Variants in SLCO3A1 observed in about 807,000 individuals in gnomAD.
The protein encoded by SLCO3A1 is PGE1 transporter.
Under a neutral mutation model 63.1 loss-of-function variants are expected in SLCO3A1, and 27 were observed. That is an observed-to-expected ratio of 0.43 (90% CI 0.32 to 0.59). The LOEUF (loss-of-function observed/expected upper bound fraction) is 0.59, where lower values mean the gene tolerates loss of function less well. SLCO3A1 is among the 20% of genes least tolerant of loss of function. SLCO3A1 has a pLI of 0.09. For missense variants in SLCO3A1, 773 were observed against 945.8 expected (o/e 0.82, Z 2.40); for synonymous variants, 473 against 409.9 (o/e 1.15, Z -1.86).
At position 91,854,203 on chromosome 15, in the gene SLCO3A1, C is replaced by A; in HGVS notation, c.180+115C>A. ...TGGGGGCAGGCGGGCATGACCTCGG[C>A]CCGGCGTGGAGGTTGGCGAGTGGTG... is the stretch of plus-strand genomic sequence containing the variant. On this transcript the variant is annotated intron_variant, in intron 1 of 9. Transcript: ENST00000318445. This position sits in a 1 kb window ranked among gnomAD's most constrained non-coding sequence, Gnocchi z 6.4. The A allele has an allele frequency of 8.6e-7, 1 of 1,158,766 alleles. No homozygotes were observed. Among genetic ancestry groups the A allele is most frequent in the Non-Finnish European group, 1.1e-6 (1 of 905,578 alleles). 71.8% of individuals were successfully genotyped at this position (1,158,766 alleles called of 1,614,324 possible).
intron 2 of SLCO3A1, among the ~76,000 whole-genome samples, chr15:91,951,477 T>C (rs1272626713): frequency 1.3e-5 from 2 of 152,200 alleles, no homozygotes; most frequent in African/African-American, 4.8e-5. Context: ...ATTTGGTTAT[T>C]TCCACTTTTT....
intron 2 of SLCO3A1, among the ~76,000 whole-genome samples, chr15:92,027,685 G>A (rs927939511): frequency 6.6e-6 from 1 of 152,198 alleles, no homozygotes; most frequent in African/African-American, 2.4e-5. Context: ...TTTGCTTTGT[G>A]CCGTTCAACA....
At chr15:91,920,881 T>G (rs555659077) in intron 2 of SLCO3A1, among the ~76,000 whole-genome samples, 1 of 152,310 alleles carries the variant, frequency 6.6e-6, no homozygotes, top group East Asian at 1.9e-4. Context: ...AAAGCTTAGT[T>G]AGCTCTTCGG....
At position 91,853,930 on chromosome 15, in the gene SLCO3A1, G is replaced by C; in HGVS notation, c.22G>C (p.Gly8Arg). 6.9e-7 allele frequency: 1 copy of C among 1,454,316 alleles called. No individual in the cohort carries two copies. The highest frequency in any genetic ancestry group is 9.1e-7 in the Non-Finnish European group (1 of 1,095,246). 90.1% of individuals were successfully genotyped at this position (1,454,316 alleles called of 1,614,324 possible). A position where few individuals can be genotyped will look rare whatever the true frequency, so the allele number is the denominator to read the frequency against. ...AAGGATGCAGGGGAAGAAGCCGGGC[G>C]GTTCGTCGGGCGGCGGCCGGAGCGG... MQGKKPG[G>R]SSGGGRSGEL... Residue 8 changes from glycine to arginine, a missense_variant, in exon 1 of 10, where the codon GGT becomes CGT. Physicochemically the swap from Gly to Arg is moderately radical, Grantham distance 125 (BLOSUM62 -2). This residue lies in a region of SLCO3A1 where 69 missense variants were observed against 64.6 expected (regional missense o/e 1.07). Transcript: ENST00000318445.
chr15:91,882,843 G>A lies in SLCO3A1; in HGVS notation c.180+28755G>A, dbSNP rs780411321. ...AGCCATGACTTCTTAATCCCACTCGGATTTCACTGAATATGTGCGATAAGT... is the reference window on the plus strand; with the variant it reads ...AGCCATGACTTCTTAATCCCACTCGAATTTCACTGAATATGTGCGATAAGT... On this transcript the variant is annotated intron_variant, in intron 1 of 9. Transcript: ENST00000318445. This position sits in a 1 kb window ranked among gnomAD's most constrained non-coding sequence, Gnocchi z 4.4. 6.6e-6 allele frequency among the ~76,000 whole-genome samples: 1 copy of A among 152,156 alleles called. No homozygotes were observed. The highest frequency in any genetic ancestry group is 1.5e-5 in the Non-Finnish European group (1 of 68,022).
chr15:92,072,025 T>C (rs894060869), intron 2 of SLCO3A1, among the ~76,000 whole-genome samples: 3 of 152,220 alleles, frequency 2.0e-5, no homozygotes, highest in Non-Finnish European at 4.4e-5. Context: ...ACGCACTTTG[T>C]GTGAGATGCC....
chr15:92,095,334 C>G (rs1231949379), intron 3 of SLCO3A1, among the ~76,000 whole-genome samples: 2 of 152,196 alleles, frequency 1.3e-5, no homozygotes, highest in Non-Finnish European at 2.9e-5. Flanking sequence ...TTGGCATATC[C>G]TCATTGAGTG....
intron 1 of SLCO3A1, among the ~76,000 whole-genome samples, chr15:91,880,544 A>G (rs1897555128): frequency 1.3e-5 from 2 of 151,946 alleles, no homozygotes; most frequent in South Asian, 4.1e-4. Flanking sequence ...CCAGGGCAGC[A>G]CTATTCTGTT....
At chr15:91,868,170 G>A (rs186718847) in intron 1 of SLCO3A1, among the ~76,000 whole-genome samples, 245 of 152,046 alleles carry the variant, frequency 1.6e-3, no homozygotes, top group African/African-American at 5.8e-3. Context: ...TCCCGCCTCA[G>A]CCTCTCTAGT....
chr15:92,009,586 C>T (rs1205424100), intron 2 of SLCO3A1, among the ~76,000 whole-genome samples: 4 of 152,204 alleles, frequency 2.6e-5, no homozygotes, highest in Admixed American at 1.3e-4. Context: ...GGCTCTACCA[C>T]TATGATCTGT....
chr15:92,085,601 A>G (rs570828174), intron 2 of SLCO3A1, among the ~76,000 whole-genome samples: 1 of 152,384 alleles, frequency 6.6e-6, no homozygotes, highest in South Asian at 2.1e-4. Flanking sequence ...GTGTGTATGT[A>G]CTTATATCAC....
At chr15:92,150,879 C>A in intron 8 of SLCO3A1, 71 bp from the exon 9 acceptor site, 1 of 1,093,854 alleles carries the variant, frequency 9.1e-7, no homozygotes, top group Non-Finnish European at 1.4e-6. Context: ...GCAAATGACT[C>A]TGGGGTCTGT....
rs1900733455 is a variant in SLCO3A1, at chr15:91,968,342, G to C, written c.646+51884G>C. 6.6e-6 allele frequency among the ~76,000 whole-genome samples: 1 copy of C among 152,100 alleles called. No individual in the cohort carries two copies. On this transcript the variant is annotated intron_variant, in intron 2 of 9. Coordinates refer to ENST00000318445, the MANE Select transcript of SLCO3A1 (RefSeq NM_013272.4). This position sits in a 1 kb window ranked among gnomAD's most constrained non-coding sequence, Gnocchi z 4.2. ...CATTAAAATGACTTTCTAGTCTCCT[G>C]CGAGCTTTCTCTCAAGTAGATTCTG...
intron 2 of SLCO3A1, among the ~76,000 whole-genome samples, chr15:92,014,040 A>T (rs1157097892): frequency 2.0e-5 from 3 of 152,100 alleles, no homozygotes; most frequent in Non-Finnish European, 4.4e-5. Context: ...GGAGGGCACA[A>T]TCTTACCCCC....
chr15:92,064,083 C>G (rs1231955946), intron 2 of SLCO3A1, among the ~76,000 whole-genome samples: 1 of 152,116 alleles, frequency 6.6e-6, no homozygotes. Flanking sequence ...TGCATCTGTT[C>G]AAGCCATGAG....
chr15:92,026,926 T>C (rs1423729453), intron 2 of SLCO3A1, among the ~76,000 whole-genome samples: 2 of 152,074 alleles, frequency 1.3e-5, no homozygotes, highest in African/African-American at 4.8e-5. Context: ...CCATCTCTAC[T>C]AAAAATACAA....
intron 7 of SLCO3A1, among the ~76,000 whole-genome samples, chr15:92,140,880 A>G (rs7169534): frequency 0.8 from 121,435 of 152,072 alleles, 48,637 homozygotes; most frequent in East Asian, 0.9. Flanking sequence ...CAAGTAGTCT[A>G]TCTTTAACCA....
chr15:91,954,995 C>CT lies in SLCO3A1; in HGVS notation c.646+38538dup, dbSNP rs1900121943. Among the ~76,000 whole-genome samples, 1 of 152,162 alleles carries CT rather than the reference C, an allele frequency of 6.6e-6. No individual in the cohort carries two copies. Among genetic ancestry groups the CT allele is most frequent in the Non-Finnish European group, 1.5e-5 (1 of 68,026 alleles). ...TCAGATGCTCAGTTGTCTCCCTTCT[C>CT]TGCTTCCCTCACTTGCCAGGGTCAC... On this transcript the variant is annotated intron_variant, in intron 2 of 9. Transcript: ENST00000318445. The surrounding 1 kb of genome is among the most constrained non-coding windows in gnomAD (Gnocchi z 4.7).
chr15:92,088,651 C>T (rs1424488764), intron 2 of SLCO3A1, among the ~76,000 whole-genome samples: 1 of 152,170 alleles, frequency 6.6e-6, no homozygotes, highest in African/African-American at 2.4e-5. Context: ...GTTTTGTTGC[C>T]TTCTCCAGCT....
Sources: allele counts gnomAD v4.1 joint callset (sites outside exome capture counted in the v4.1 genomes callset), GRCh38; gene constraint gnomAD v4.1.1; regional missense constraint gnomAD v4.1.1; non-coding constraint Gnocchi (gnomAD v3.1); transcripts MANE v1.5; gene names NCBI Gene and HGNC (gene_info 2026-07-23, HGNC 2026-07-21).